CLDN14: variants seen among roughly 807,000 people sequenced by gnomAD.
CLDN14 encodes the protein claudin 14, also known as claudin-14.
A neutral mutation model predicts 2.1 loss-of-function variants in CLDN14; 2 were observed. The observed-to-expected ratio is 0.96, with a 90% CI of 0.39 to 3.01. CLDN14 has a LOEUF of 3.01. Among genes scored for constraint, CLDN14 ranks in the 30% most tolerant of loss-of-function variants. CLDN14 has a pLI of 0.09. For synonymous variants in CLDN14, 136 were observed against 154.4 expected (o/e 0.88, Z 0.88); for missense variants, 298 against 328.0 (o/e 0.91, Z 0.71).
intron 1 of CLDN14, among the ~76,000 whole-genome samples, chr21:36,561,975 A>C (rs1002949310): frequency 1.3e-5 from 2 of 152,174 alleles, no homozygotes; most frequent in African/African-American, 4.8e-5. Flanking sequence ...GTTTTGCTGC[A>C]AAAAAATCCT....
chr21:36,513,444 C>G (rs1359177731), intron 1 of CLDN14, among the ~76,000 whole-genome samples: 2 of 152,184 alleles, frequency 1.3e-5, no homozygotes, highest in East Asian at 3.9e-4. Context: ...CTGAATCAAC[C>G]TACCCTGGAG....
chr21:36,526,901 C>T (rs1182422820), intron 1 of CLDN14, among the ~76,000 whole-genome samples: 2 of 152,182 alleles, frequency 1.3e-5, no homozygotes, highest in African/African-American at 4.8e-5. Context: ...GCCTGATAGG[C>T]CCACCTCCCG....
At chr21:36,527,491 T>TAGATC (rs1052947535) in intron 1 of CLDN14, among the ~76,000 whole-genome samples, 7 of 152,336 alleles carry the variant, frequency 4.6e-5, no homozygotes, top group African/African-American at 1.7e-4. Context: ...TATTTCCATG[T>TAGATC]AGATCAGCTG....
At chr21:36,555,308 A>G (rs2087591178) in intron 1 of CLDN14, among the ~76,000 whole-genome samples, 2 of 152,242 alleles carry the variant, frequency 1.3e-5, no homozygotes, top group South Asian at 4.1e-4. Flanking sequence ...ACACAAGCCA[A>G]AAGAGGAGGT....
chr21:36,518,249 A>G (rs1429529278), intron 1 of CLDN14, among the ~76,000 whole-genome samples: 4 of 152,244 alleles, frequency 2.6e-5, no homozygotes, highest in Non-Finnish European at 5.9e-5. Flanking sequence ...TTCAAAATTC[A>G]GAACATTTCA....
chr21:36,502,419 G>C (rs1472428452), intron 2 of CLDN14, among the ~76,000 whole-genome samples: 1 of 152,182 alleles, frequency 6.6e-6, no homozygotes, highest in African/African-American at 2.4e-5. Flanking sequence ...AGTATGCTTA[G>C]GGGTCAGTCC....
At chr21:36,483,613 C>T (rs527616407), upstream of CLDN14, among the ~76,000 whole-genome samples, 29 of 152,288 alleles carry the variant, frequency 1.9e-4, no homozygotes, top group African/African-American at 4.6e-4. Context: ...AGGTCAGCCT[C>T]GGAAAAGGAT....
intron 2 of CLDN14, among the ~76,000 whole-genome samples, chr21:36,497,872 C>T (rs1050500492): frequency 6.6e-6 from 1 of 152,176 alleles, no homozygotes; most frequent in East Asian, 1.9e-4. Context: ...GTGGGGACTG[C>T]CCCGTGAGGC....
intron 1 of CLDN14, among the ~76,000 whole-genome samples, chr21:36,522,438 C>T (rs548163164): frequency 6.6e-6 from 1 of 152,216 alleles, no homozygotes; most frequent in African/African-American, 2.4e-5. Context: ...GGGGTTTGCA[C>T]ACAATCCTGC....
chr21:36,523,817 A>C (rs113057061), intron 1 of CLDN14, among the ~76,000 whole-genome samples: 1 of 143,556 alleles, frequency 7.0e-6, no homozygotes, highest in Non-Finnish European at 1.5e-5. Flanking sequence ...GAAAGAAAGA[A>C]AGAAAGAAAG....
intron 1 of CLDN14, among the ~76,000 whole-genome samples, chr21:36,476,346 C>T (rs893808854): frequency 2.0e-5 from 3 of 152,166 alleles, no homozygotes; most frequent in African/African-American, 7.2e-5. Flanking sequence ...GTTCTTACAA[C>T]CTGGGTCCTC....
In CLDN14 at chr21:36,514,583, C is replaced by T. The variant is rs548709350; in HGVS notation, c.-219-4083G>A. Among the ~76,000 whole-genome samples, 28 of 150,434 alleles carry T rather than the reference C, an allele frequency of 1.9e-4. 1 individual carries two copies. The South Asian group carries it at 4.2e-3, about 23-fold the overall frequency. On this transcript the variant is annotated intron_variant, in intron 1 of 2. Transcript: ENST00000342108. ...TTGCAGTATGTTGGAGCTGTGCACC[C>T]GAAGAGAGAAGGGGAAATAAAGTCT...
At chr21:36,563,291 G>A (rs1057183559) in intron 1 of CLDN14, among the ~76,000 whole-genome samples, 2 of 152,034 alleles carry the variant, frequency 1.3e-5, no homozygotes, top group Non-Finnish European at 2.9e-5. Flanking sequence ...GCATTATTGG[G>A]GTTTTAAATC....
chr21:36,559,223 C>A (rs1395482434), intron 1 of CLDN14, among the ~76,000 whole-genome samples: 2 of 151,430 alleles, frequency 1.3e-5, no homozygotes, highest in Non-Finnish European at 2.9e-5. Flanking sequence ...TAGTTTGAGA[C>A]TAAGTTTCGC....
At chr21:36,566,703 T>C (rs1040064479) in intron 1 of CLDN14, among the ~76,000 whole-genome samples, 1 of 152,238 alleles carries the variant, frequency 6.6e-6, no homozygotes, top group Non-Finnish European at 1.5e-5. Flanking sequence ...CAAAAGCGTT[T>C]TCTTATGTGC....
rs373777126 is a variant in CLDN14, at chr21:36,461,304, A to G, written c.392T>C (p.Leu131Pro). Residue 131 changes from leucine (L) to proline (P), a missense_variant, in exon 2 of 2, where the codon CTG (leucine) becomes CCG (proline). Physicochemically the swap from Leu to Pro is moderately conservative, Grantham distance 98. Coordinates refer to ENST00000399135, the MANE Select transcript of CLDN14 (RefSeq NM_001146079.2). ...GGTLFILAGL[L>P]CMVAVSWTTN... ...GGTCCAGGAGACGGCCACCATGCAC[A>G]GGAGGCCGGCCAGGATGAAGAGGGT... 2.5e-6 allele frequency: 4 copies of G among 1,613,592 alleles called. No homozygotes were observed. The African/African-American group carries it at 4.0e-5, about 16-fold the overall frequency.
At chr21:36,475,031 C>T (rs752912198) in intron 1 of CLDN14, among the ~76,000 whole-genome samples, 6 of 152,142 alleles carry the variant, frequency 3.9e-5, no homozygotes, top group Non-Finnish European at 7.4e-5. Flanking sequence ...CATGGTCATC[C>T]AGGAGAATGA....
intron 1 of CLDN14, among the ~76,000 whole-genome samples, chr21:36,560,822 A>AGGTG (rs1304482489): frequency 1.3e-5 from 2 of 151,652 alleles, no homozygotes; most frequent in Admixed American, 1.3e-4. Flanking sequence ...CCTATCCACT[A>AGGTG]GAAGAGAAAA....
At chr21:36,475,629 C>T (rs960279249) in intron 1 of CLDN14, among the ~76,000 whole-genome samples, 3 of 152,282 alleles carry the variant, frequency 2.0e-5, no homozygotes, top group South Asian at 2.1e-4. Context: ...CGGCTCCCTG[C>T]GGCCTTGACC....
Sources: gnomAD v4.1 joint callset for allele counts (sites outside exome capture counted in the v4.1 genomes callset) on GRCh38, gnomAD v4.1.1 for gene constraint, MANE v1.5 for transcripts, NCBI Gene and HGNC (gene_info 2026-07-23, HGNC 2026-07-21) for gene names.